The following ZDHHC24 variants were observed in gnomAD, a reference collection of about 807,000 sequenced individuals.
ZDHHC24 encodes zDHHC palmitoyltransferase 24, also known as probable palmitoyltransferase ZDHHC24.
In ZDHHC24, 17 loss-of-function variants were observed where a neutral mutation model predicts 23.2. The observed-to-expected ratio is 0.73, with a 90% CI of 0.50 to 1.10. The LOEUF is 1.10. Among genes scored for constraint, ZDHHC24 ranks in the 50% least tolerant of loss-of-function variants. The pLI, the probability that ZDHHC24 is intolerant of heterozygous loss-of-function variation, is 0.00. For missense variants in ZDHHC24, 366 were observed against 393.0 expected (o/e 0.93, Z 0.58); for synonymous variants, 186 against 194.5 (o/e 0.96, Z 0.36).
downstream of ZDHHC24, among the ~76,000 whole-genome samples, chr11:66,535,359 C>T (rs1209945628): frequency 3.3e-5 from 5 of 150,720 alleles, no homozygotes; most frequent in Non-Finnish European, 7.4e-5. Context: ...TACAGACGCA[C>T]TACCACACAA....
chr11:66,546,005 G>C lies in ZDHHC24; in HGVS notation c.-2C>G. 1 of 1,389,804 alleles carries C rather than the reference G, an allele frequency of 7.2e-7. No homozygotes were observed. The highest frequency in any genetic ancestry group is 1.6e-5 in the South Asian group (1 of 61,646). The allele number at this position is 1,389,804 out of a possible 1,614,324, so 86.1% of individuals were successfully genotyped here. ...CCCAGCCGCCCAGGGCTGCCCCATG[G>C]CCTGGACACCCAGCTGTCGGAGCCG... is the stretch of plus-strand genomic sequence containing the variant. On this transcript the variant is annotated 5_prime_UTR_variant, in exon 1 of 3. Coordinates refer to ENST00000310442, the MANE Select transcript of ZDHHC24 (RefSeq NM_207340.3).
downstream of ZDHHC24, chr11:66,533,335 A>G (rs1856857641): frequency 6.6e-6 from 1 of 152,232 alleles, no homozygotes; most frequent in African/African-American, 2.4e-5. Flanking sequence ...ATTCTCTAGT[A>G]CTGCTCCCCT....
chr11:66,544,294 G>A (rs1857246660), intron 1 of ZDHHC24, among the ~76,000 whole-genome samples: 1 of 152,102 alleles, frequency 6.6e-6, no homozygotes, highest in African/African-American at 2.4e-5. Flanking sequence ...GGAACTCTCT[G>A]GATTACTGCA....
At chr11:66,530,528 A>G (rs568814375) in intron 2 of ZDHHC24, among the ~76,000 whole-genome samples, 1 of 152,324 alleles carries the variant, frequency 6.6e-6, no homozygotes, top group East Asian at 1.9e-4. Flanking sequence ...GGATAGATGC[A>G]GAGGAGGAAG....
At chr11:66,532,229 C>T (rs1182040109), downstream of ZDHHC24, 2 of 617,300 alleles carry the variant, frequency 3.2e-6, no homozygotes, top group African/African-American at 3.7e-5. Flanking sequence ...TAGGGCGGCT[C>T]AACTCCTCCC....
chr11:66,524,997 G>A (rs758329184), intron 4 of ZDHHC24, among the ~76,000 whole-genome samples: 20 of 152,008 alleles, frequency 1.3e-4, no homozygotes, highest in Non-Finnish European at 2.4e-4. Context: ...TCAGGAGATG[G>A]AGACCATCCT....
intron 4 of ZDHHC24, chr11:66,524,279 T>TAA (rs542214160): frequency 1.3e-3 from 377 of 281,786 alleles, no homozygotes; most frequent in South Asian, 1.8e-3. Flanking sequence ...GACTCCATCT[T>TAA]AAAAAAAAAA....
intron 2 of ZDHHC24, among the ~76,000 whole-genome samples, chr11:66,541,499 C>T (rs1857150068): frequency 6.6e-6 from 1 of 151,894 alleles, no homozygotes; most frequent in African/African-American, 2.4e-5. Context: ...TCTGCAAGCA[C>T]AGGGAGAAGC....
downstream of ZDHHC24, among the ~76,000 whole-genome samples, chr11:66,534,992 A>G (rs1205594387): frequency 6.6e-6 from 1 of 152,152 alleles, no homozygotes; most frequent in Non-Finnish European, 1.5e-5. Context: ...TCCCGGGCTC[A>G]AGTGATTCTC....
chr11:66,524,271 C>A, intron 4 of ZDHHC24: 1 of 324,706 alleles, frequency 3.1e-6, no homozygotes, highest in Non-Finnish European at 6.0e-6. Flanking sequence ...CAGAGCGAGA[C>A]TCCATCTTAA....
At chr11:66,539,922 C>G in intron 2 of ZDHHC24, 98 bp from the exon 3 acceptor site, 1 of 1,236,840 alleles carries the variant, frequency 8.1e-7, no homozygotes, top group Non-Finnish European at 1.1e-6. Context: ...CATTCCTCCG[C>G]TCAGCAAACC....
Position 66,523,886 on chromosome 11 carries a change from A to C in ZDHHC24, c.*22-2420T>G, listed in dbSNP as rs998715451. 1.9e-6 allele frequency: 3 copies of C among 1,612,688 alleles called. No homozygotes were observed. Among genetic ancestry groups the C allele is most frequent in the Non-Finnish European group, 2.5e-6 (3 of 1,180,024 alleles). ...GCTCAATGTCATCCACACCCCGGTG[A>C]GCCCCATCTCCGGCATCTGCCACTC... On this transcript the variant is annotated intron_variant, in intron 4 of 4. Coordinates refer to the ZDHHC24 transcript ENST00000526986.
chr11:66,540,505 G>A (rs1857121604), intron 2 of ZDHHC24, among the ~76,000 whole-genome samples: 2 of 151,442 alleles, frequency 1.3e-5, no homozygotes, highest in African/African-American at 4.9e-5. Flanking sequence ...CGAGGCGGGT[G>A]GATCACGAGG....
At chr11:66,531,841 G>T, downstream of ZDHHC24, 4 of 1,607,222 alleles carry the variant, frequency 2.5e-6, no homozygotes. Context: ...CCTGGGTGGG[G>T]GTGGGGGTAT....
At chr11:66,523,523 A>G in intron 4 of ZDHHC24, 1 of 1,614,086 alleles carries the variant, frequency 6.2e-7, no homozygotes, top group Non-Finnish European at 8.5e-7. Context: ...CCGGGTACAC[A>G]AGGTCCTAGT....
chr11:66,532,155 T>C, downstream of ZDHHC24: 1 of 1,108,944 alleles, frequency 9.0e-7, no homozygotes, highest in African/African-American at 1.6e-5. Context: ...GTCTCCCCTC[T>C]CTTAAGCACC....
chr11:66,532,018 A>T, downstream of ZDHHC24: 2 of 1,606,880 alleles, frequency 1.2e-6, no homozygotes, highest in Middle Eastern at 2.1e-4. Flanking sequence ...CCTGGGAGCG[A>T]GGGGCTGGCG....
Position 66,539,618 on chromosome 11 carries a change from CGAGGG to C in ZDHHC24, c.761_765del (p.Ala254GlyfsTer90). 6.2e-7 allele frequency: 1 copy of C among 1,613,194 alleles called. No individual in the cohort carries two copies. The highest frequency in any genetic ancestry group is 8.5e-7 in the Non-Finnish European group (1 of 1,179,724). ...GAGGCCAGGAAGGGCCAGAGCCAGA[CGAGGG>C]CCCAGCGGGGCCCCAGGGCTGCCTG... On this transcript the variant is annotated frameshift_variant, in exon 3 of 3. Transcript: ENST00000310442. LOFTEE classifies it high-confidence loss of function.
chr11:66,531,997 A>G, downstream of ZDHHC24: 1 of 1,608,206 alleles, frequency 6.2e-7, no homozygotes, highest in Non-Finnish European at 8.5e-7. Flanking sequence ...CTGAGTGCCC[A>G]CGTCAACATG....
Sources: allele counts gnomAD v4.1 joint callset (sites outside exome capture counted in the v4.1 genomes callset), GRCh38; gene constraint gnomAD v4.1.1; transcripts MANE v1.5; gene names NCBI Gene and HGNC (gene_info 2026-07-23, HGNC 2026-07-21).